Variants in RUNX3 observed in about 807,000 individuals in gnomAD.
The protein encoded by RUNX3 is RUNX family transcription factor 3, also known as runt-related transcription factor 3.
RUNX3 carries 10 observed loss-of-function variants against 27.7 expected under a neutral mutation model. The ratio of observed to expected loss-of-function variants is 0.36; its 90% CI spans 0.22 to 0.61. The LOEUF is 0.61. Among genes scored for constraint, RUNX3 ranks in the 20% least tolerant of loss-of-function variants. The probability of loss-of-function intolerance (pLI) is 0.72; values close to 1 mark genes in which losing one functional copy is unlikely to be tolerated. For synonymous variants in RUNX3, 270 were observed against 269.2 expected (o/e 1.00, Z -0.03); for missense variants, 469 against 629.5 (o/e 0.75, Z 2.73).
chr1:24,931,527 G>A (rs1036610830), upstream of RUNX3, among the ~76,000 whole-genome samples: 3 of 152,176 alleles, frequency 2.0e-5, no homozygotes, highest in Non-Finnish European at 2.9e-5. Context: ...TCTGGGGAAC[G>A]AACGCGTGCT....
intron 2 of RUNX3, among the ~76,000 whole-genome samples, chr1:24,956,989 T>TC (rs769798865): frequency 1.4e-4 from 21 of 151,368 alleles, no homozygotes; most frequent in Non-Finnish European, 2.7e-4. Context: ...TTACAAAAGC[T>TC]CCCCCCCACA....
chr1:24,929,794 G>A lies in RUNX3; in HGVS notation c.75C>T (p.Gly25=), dbSNP rs1359826149. ...PPSPAFPCGG[G]GGKMGENSGA... ...CGCTGTTCTCGCCCATCTTGCCGCC[G>A]CCGCCGCCGCAGGGGAAGGCCGGGG... The change falls in exon 1 of 5, where the codon GGC becomes GGT. Residue 25 remains glycine, a synonymous_variant. Coordinates refer to ENST00000308873, the MANE Select transcript of RUNX3 (RefSeq NM_004350.3). 1 of 1,427,650 alleles carries A rather than the reference G, an allele frequency of 7.0e-7. No individual in the cohort carries two copies. Among genetic ancestry groups the A allele is most frequent in the Non-Finnish European group, 9.1e-7 (1 of 1,098,644 alleles). The allele number at this position is 1,427,650 out of a possible 1,614,324, so 88.4% of individuals were successfully genotyped here. A position where few individuals can be genotyped will look rare whatever the true frequency, so the allele number is the denominator to read the frequency against.
chr1:24,919,926 G>A (rs1300638740), intron 2 of RUNX3, among the ~76,000 whole-genome samples: 9 of 151,006 alleles, frequency 6.0e-5, no homozygotes, highest in South Asian at 2.1e-4. Context: ...ACTTTCCCAC[G>A]TCATTAAAAC....
chr1:24,943,154 T>C lies in RUNX3; in HGVS notation c.59-13302A>G, dbSNP rs1641520636. ...GACCAGCGCCGGGCAGACTGCCGGTTTTCCCAGGTGTGGGGACACCCTGAG... is the reference window on the plus strand; with the variant it reads ...GACCAGCGCCGGGCAGACTGCCGGTCTTCCCAGGTGTGGGGACACCCTGAG... On this transcript the variant is annotated intron_variant, in intron 2 of 6. Coordinates refer to the RUNX3 transcript ENST00000338888. The surrounding 1 kb of genome is among the most constrained non-coding windows in gnomAD (Gnocchi z 4.6). Among the ~76,000 whole-genome samples, 1 of 152,258 alleles carries C rather than the reference T, an allele frequency of 6.6e-6. No homozygotes were observed. The highest frequency in any genetic ancestry group is 2.4e-5 in the African/African-American group (1 of 41,472).
intron 2 of RUNX3, among the ~76,000 whole-genome samples, chr1:24,936,775 G>A (rs1282375357): frequency 6.6e-6 from 1 of 152,218 alleles, no homozygotes; most frequent in East Asian, 1.9e-4. Context: ...ATGACTGTCA[G>A]TCCTTGTGAA....
In RUNX3 at chr1:24,919,343, C is replaced by A; in HGVS notation, c.441G>T (p.Gly147=). 4 of 1,608,390 alleles carry A rather than the reference C, an allele frequency of 2.5e-6. No individual in the cohort carries two copies. The highest frequency in any genetic ancestry group is 3.4e-6 in the Non-Finnish European group (4 of 1,176,242). The part of the protein sequence containing the change: ...DLRFVGRSGR[G]KSFTLTITVF... ...CAGTGATGGTCAGGGTGAAACTCTT[C>A]CCTGGGGAGAGTGGGGAATAGAGGC... The change falls in exon 3 of 5, where the codon GGG becomes GGT. Residue 147 remains glycine, a splice_region_variant and synonymous_variant. Coordinates refer to ENST00000308873, the MANE Select transcript of RUNX3 (RefSeq NM_004350.3).
chr1:24,914,484 C>T (rs932098415), intron 3 of RUNX3, among the ~76,000 whole-genome samples: 2 of 152,200 alleles, frequency 1.3e-5, no homozygotes, highest in African/African-American at 4.8e-5. Context: ...GTGAATCGGC[C>T]CCCTGTGAGC....
At chr1:24,934,016 C>T (rs1641290672), upstream of RUNX3, among the ~76,000 whole-genome samples, 1 of 152,210 alleles carries the variant, frequency 6.6e-6, no homozygotes, top group African/African-American at 2.4e-5. Context: ...ATTTCCTCTT[C>T]TGTCAATGGA....
chr1:24,915,804 G>A (rs1432427505), intron 3 of RUNX3, among the ~76,000 whole-genome samples: 2 of 152,146 alleles, frequency 1.3e-5, no homozygotes, highest in Non-Finnish European at 1.5e-5. Flanking sequence ...CACAGGCTAG[G>A]GGGGCGTGAG....
chr1:24,931,899 C>T (rs138495390), upstream of RUNX3, among the ~76,000 whole-genome samples: 17 of 152,216 alleles, frequency 1.1e-4, no homozygotes, highest in Non-Finnish European at 2.4e-4. Flanking sequence ...TTGTCGATTG[C>T]GGACCCAGGC....
At chr1:24,907,514 A>G (rs1640690210) in intron 3 of RUNX3, 97 bp from the exon 4 acceptor site, 2 of 1,281,974 alleles carry the variant, frequency 1.6e-6, no homozygotes, top group African/African-American at 1.5e-5. Flanking sequence ...CTGAGGTCTG[A>G]CCTTAGGCCT....
chr1:24,944,251 C>G (rs1403469968), intron 2 of RUNX3, among the ~76,000 whole-genome samples: 1 of 152,162 alleles, frequency 6.6e-6, no homozygotes, highest in African/African-American at 2.4e-5. Flanking sequence ...TCTGCTTCCA[C>G]TCTGCCCCTC....
chr1:24,903,858 C>T (rs1288718240), intron 4 of RUNX3, among the ~76,000 whole-genome samples: 2 of 152,242 alleles, frequency 1.3e-5, no homozygotes, highest in South Asian at 2.1e-4. Context: ...GTCACTTAAC[C>T]TCTCTGCGCA....
chr1:24,959,187 G>A (rs540596001), intron 2 of RUNX3, among the ~76,000 whole-genome samples: 68 of 152,372 alleles, frequency 4.5e-4, no homozygotes, highest in South Asian at 2.1e-3. Flanking sequence ...AGGCCCAGGC[G>A]TCAATGAGCC....
At chr1:24,954,656 T>C (rs1641867349) in intron 2 of RUNX3, among the ~76,000 whole-genome samples, 1 of 152,242 alleles carries the variant, frequency 6.6e-6, no homozygotes, top group Non-Finnish European at 1.5e-5. Context: ...CAGGTTTCCC[T>C]TCAGCTGCTC....
At position 24,902,802 on chromosome 1, in the gene RUNX3, G is replaced by T; in HGVS notation, c.704-136C>A. On this transcript the variant is annotated intron_variant, in intron 4 of 4. Coordinates refer to ENST00000308873, the MANE Select transcript of RUNX3 (RefSeq NM_004350.3). This position sits in a 1 kb window ranked among gnomAD's most constrained non-coding sequence, Gnocchi z 9.2. Reference sequence around the variant, plus strand: ...TTCTAGACCTGGCTCTCCTCTTCCTGCCCTAGGCTGCCCGGGGCCTCCCCC... The same window carrying T: ...TTCTAGACCTGGCTCTCCTCTTCCTTCCCTAGGCTGCCCGGGGCCTCCCCC... The T allele has an allele frequency of 1.5e-6, 1 of 674,122 alleles. No homozygotes were observed. The highest frequency in any genetic ancestry group is 2.2e-6 in the Non-Finnish European group (1 of 447,614). The allele number at this position is 674,122 out of a possible 1,614,324, so 41.8% of individuals were successfully genotyped here.
Position 24,907,512 on chromosome 1 carries a change from T to C in RUNX3, c.545-95A>G, listed in dbSNP as rs1183060514. ...CTGCTGGGAAGTTCTTCCTGAGGTCTGACCTTAGGCCTCTGCTGGGAGAAC... is the reference window on the plus strand; with the variant it reads ...CTGCTGGGAAGTTCTTCCTGAGGTCCGACCTTAGGCCTCTGCTGGGAGAAC... On this transcript the variant is annotated intron_variant, in intron 3 of 4. Transcript: ENST00000308873. 5 of 1,296,078 alleles carry C rather than the reference T, an allele frequency of 3.9e-6. No individual in the cohort carries two copies. The East Asian group carries it at 1.0e-4, about 26-fold the overall frequency. 80.3% of individuals were successfully genotyped at this position (1,296,078 alleles called of 1,614,324 possible).
At chr1:24,911,416 G>A (rs548204818) in intron 3 of RUNX3, among the ~76,000 whole-genome samples, 29 of 152,290 alleles carry the variant, frequency 1.9e-4, no homozygotes, top group East Asian at 1.4e-3. Context: ...GTTCGAGGAC[G>A]GGTCCTGTCA....
At chr1:24,947,992 G>C (rs181334819) in intron 2 of RUNX3, among the ~76,000 whole-genome samples, 37 of 152,360 alleles carry the variant, frequency 2.4e-4, no homozygotes, top group African/African-American at 7.7e-4. Flanking sequence ...TTCCCCATCT[G>C]TCAGACAATG....
Sources: gnomAD v4.1 joint callset for allele counts (sites outside exome capture counted in the v4.1 genomes callset) on GRCh38, gnomAD v4.1.1 for gene constraint, Gnocchi (gnomAD v3.1) non-coding constraint, MANE v1.5 for transcripts, NCBI Gene and HGNC (gene_info 2026-07-23, HGNC 2026-07-21) for gene names.